Variants in HS2ST1 observed in about 807,000 individuals in gnomAD.
The protein encoded by HS2ST1 is heparan sulfate 2-O-sulfotransferase 1, also known as 2-O-sulfotransferase.
A neutral mutation model predicts 42.9 loss-of-function variants in HS2ST1; 18 were observed. That is an observed-to-expected ratio of 0.42 (90% CI 0.29 to 0.62). HS2ST1 has a LOEUF of 0.62. Ranked by LOEUF, HS2ST1 falls within the 20% of genes least tolerant of loss-of-function variation. The probability of loss-of-function intolerance (pLI) is 0.21; values close to 1 mark genes in which losing one functional copy is unlikely to be tolerated. For missense variants in HS2ST1, 334 were observed against 433.8 expected, an observed-to-expected ratio of 0.77 and a Z score of 2.04; for synonymous variants, 146 against 152.9, an observed-to-expected ratio of 0.95 and a Z score of 0.33.
chr1:87,005,395 C>G (rs1015975639), intron 1 of HS2ST1, among the ~76,000 whole-genome samples: 2 of 151,666 alleles, frequency 1.3e-5, no homozygotes, highest in Admixed American at 6.6e-5. Flanking sequence ...AACTAATTGA[C>G]TCTTAAATCA....
chr1:87,070,737 G>T (rs1387452939), intron 1 of HS2ST1, among the ~76,000 whole-genome samples: 2 of 152,144 alleles, frequency 1.3e-5, no homozygotes, highest in Non-Finnish European at 1.5e-5. Context: ...TTAAAAAATA[G>T]TATGGTATGT....
chr1:86,989,609 T>C (rs1348146947), intron 1 of HS2ST1, among the ~76,000 whole-genome samples: 1 of 152,210 alleles, frequency 6.6e-6, no homozygotes, highest in African/African-American at 2.4e-5. Context: ...CTGGGATACA[T>C]GTGCAGAACA....
At chr1:87,096,460 C>CT (rs1408125517) in intron 4 of HS2ST1, among the ~76,000 whole-genome samples, 1 of 152,152 alleles carries the variant, frequency 6.6e-6, no homozygotes, top group East Asian at 1.9e-4. Flanking sequence ...TCAGAAAAGT[C>CT]TTTAAGTATT....
intron 1 of HS2ST1, among the ~76,000 whole-genome samples, chr1:87,062,801 A>G (rs193052880): frequency 6.6e-6 from 1 of 152,194 alleles, no homozygotes; most frequent in African/African-American, 2.4e-5. Flanking sequence ...TATTTTCTCT[A>G]GGTATACGAT....
chr1:87,005,829 T>C (rs1201766898), intron 1 of HS2ST1, among the ~76,000 whole-genome samples: 1 of 152,118 alleles, frequency 6.6e-6, no homozygotes, highest in Non-Finnish European at 1.5e-5. Context: ...CTTTTTAGAA[T>C]TTTTTTAAGA....
At chr1:87,044,537 G>T (rs1650598295) in intron 1 of HS2ST1, among the ~76,000 whole-genome samples, 1 of 152,126 alleles carries the variant, frequency 6.6e-6, no homozygotes, top group South Asian at 2.1e-4. Flanking sequence ...TATGAAAATG[G>T]TTAGAGCTAG....
chr1:87,041,335 T>A (rs1402482195), intron 1 of HS2ST1, among the ~76,000 whole-genome samples: 1 of 151,184 alleles, frequency 6.6e-6, no homozygotes, highest in African/African-American at 2.4e-5. Context: ...TGCAGTGAGC[T>A]CTGATCATGC....
At chr1:87,071,201 C>T (rs1651395276) in intron 1 of HS2ST1, among the ~76,000 whole-genome samples, 1 of 152,180 alleles carries the variant, frequency 6.6e-6, no homozygotes, top group African/African-American at 2.4e-5. Context: ...AAATCCTCAG[C>T]TCAGAGTGTA....
chr1:87,013,476 C>T (rs1298217030), intron 1 of HS2ST1, among the ~76,000 whole-genome samples: 2 of 152,230 alleles, frequency 1.3e-5, no homozygotes, highest in East Asian at 1.9e-4. Flanking sequence ...GGCTCTGGGC[C>T]TGGCCCAGGA....
At chr1:86,978,608 T>G (rs1648491008) in intron 1 of HS2ST1, among the ~76,000 whole-genome samples, 1 of 152,178 alleles carries the variant, frequency 6.6e-6, no homozygotes, top group South Asian at 2.1e-4. Flanking sequence ...GGTTAAACAT[T>G]TAGTAAGTTT....
chr1:87,017,011 G>T (rs1030806256), intron 1 of HS2ST1, among the ~76,000 whole-genome samples: 6 of 152,090 alleles, frequency 3.9e-5, no homozygotes, highest in African/African-American at 1.2e-4. Context: ...TCCAAGATTA[G>T]CTTGGAAATG....
chr1:87,048,131 G>A lies in HS2ST1; in HGVS notation c.125-24803G>A, dbSNP rs1363166741. Among the ~76,000 whole-genome samples the A allele has an allele frequency of 2.6e-5, 4 of 151,932 alleles. No homozygotes were observed. The East Asian group carries it at 5.8e-4, about 22-fold the overall frequency. On this transcript the variant is annotated intron_variant, in intron 1 of 6. Coordinates refer to ENST00000370550, the MANE Select transcript of HS2ST1 (RefSeq NM_012262.4). ...TTTATAATTTTTACTGTATGGTCTT[G>A]TACATCTTATTGCAAATTTATTTAT...
At chr1:86,919,563 G>A (rs575866142) in intron 1 of HS2ST1, among the ~76,000 whole-genome samples, 2 of 152,078 alleles carry the variant, frequency 1.3e-5, no homozygotes, top group Admixed American at 6.5e-5. Flanking sequence ...GTTTTCATAT[G>A]TTCTTGGATC....
intron 1 of HS2ST1, among the ~76,000 whole-genome samples, chr1:86,964,503 C>T (rs1016036873): frequency 3.3e-4 from 51 of 152,314 alleles, no homozygotes; most frequent in African/African-American, 1.1e-3. Context: ...TCAGGCGTGG[C>T]GGCACGCGCC....
At chr1:87,010,984 C>G (rs1458851432) in intron 1 of HS2ST1, among the ~76,000 whole-genome samples, 10 of 152,110 alleles carry the variant, frequency 6.6e-5, no homozygotes. Context: ...TGGGGTTTCA[C>G]CATGTTGGCC....
chr1:86,975,096 G>A (rs932435878), intron 1 of HS2ST1, among the ~76,000 whole-genome samples: 9 of 152,046 alleles, frequency 5.9e-5, no homozygotes, highest in South Asian at 2.1e-4. Flanking sequence ...AGATTTGTTC[G>A]GTTGGCATAC....
chr1:87,062,302 T>A (rs1015375897), intron 1 of HS2ST1, among the ~76,000 whole-genome samples: 2 of 151,340 alleles, frequency 1.3e-5, no homozygotes, highest in Non-Finnish European at 1.5e-5. Flanking sequence ...TTACTTATAT[T>A]TTTTTTTAGA....
At chr1:86,929,531 C>G (rs956839860) in intron 1 of HS2ST1, among the ~76,000 whole-genome samples, 2 of 151,768 alleles carry the variant, frequency 1.3e-5, no homozygotes, top group Non-Finnish European at 3.0e-5. Context: ...ACTGGACTCT[C>G]TTCACTCTTT....
intron 1 of HS2ST1, among the ~76,000 whole-genome samples, chr1:87,067,154 T>C (rs187610131): frequency 2.7e-3 from 413 of 152,352 alleles, no homozygotes; most frequent in Non-Finnish European, 3.5e-3. Context: ...CACATTGTTT[T>C]CCACAATGGT....
Sources: allele counts gnomAD v4.1 joint callset (sites outside exome capture counted in the v4.1 genomes callset), GRCh38; gene constraint gnomAD v4.1.1; transcripts MANE v1.5; gene names NCBI Gene and HGNC (gene_info 2026-07-23, HGNC 2026-07-21).